Variants in NELL2 observed in about 807,000 individuals in gnomAD.
NELL2 encodes protein kinase C-binding protein NELL2.
In NELL2, 41 loss-of-function variants were observed where a neutral mutation model predicts 109.6. The observed-to-expected ratio is 0.37, with a 90% confidence interval of 0.29 to 0.49. NELL2 has a LOEUF of 0.49. Among genes scored for constraint, NELL2 ranks in the 20% least tolerant of loss-of-function variants. The pLI is 0.98. For missense variants in NELL2, 900 were observed against 1,008.3 expected, an observed-to-expected ratio of 0.89 and a Z score of 1.45; for synonymous variants, 355 against 344.7, an observed-to-expected ratio of 1.03 and a Z score of -0.33.
intron 2 of NELL2, among the ~76,000 whole-genome samples, chr12:44,850,780 C>T (rs978028611): frequency 2.0e-5 from 3 of 152,058 alleles, no homozygotes; most frequent in African/African-American, 4.8e-5. Flanking sequence ...CCATTAAAGC[C>T]CTTGCAATAC....
intron 13 of NELL2, among the ~76,000 whole-genome samples, chr12:44,625,022 A>ATATG (rs1170661052): frequency 7.1e-6 from 1 of 140,214 alleles, no homozygotes; most frequent in Non-Finnish European, 1.5e-5. Flanking sequence ...ATATATATAT[A>ATATG]TATATATATA....
intron 9 of NELL2, among the ~76,000 whole-genome samples, chr12:44,769,839 T>TACTTA (rs1236593100): frequency 2.6e-5 from 4 of 152,166 alleles, no homozygotes; most frequent in Non-Finnish European, 5.9e-5. Flanking sequence ...TGCAGCTACA[T>TACTTA]TTTTGACCCG....
chr12:44,816,033 G>C lies in NELL2; in HGVS notation c.288C>G (p.Thr96=). ...AGAGAATAACTCCTGAATTTAAGTG[G>C]GTCTGTTTTAGGGTCACCAAAATAG... The part of the protein sequence containing the change: ...EFTILVTLKQ[T]HLNSGVILSI... Residue 96 remains threonine (T), a synonymous_variant, in exon 3 of 20, where the codon ACC becomes ACG. Coordinates refer to ENST00000429094, the MANE Select transcript of NELL2 (RefSeq NM_001145108.2). 6.2e-7 allele frequency: 1 copy of C among 1,612,498 alleles called. No individual in the cohort carries two copies. Among genetic ancestry groups the C allele is most frequent in the Non-Finnish European group, 8.5e-7 (1 of 1,179,534 alleles).
intron 12 of NELL2, among the ~76,000 whole-genome samples, chr12:44,678,428 G>A (rs1481194977): frequency 2.0e-5 from 3 of 151,898 alleles, no homozygotes; most frequent in Non-Finnish European, 4.4e-5. Context: ...TAGCATGGTC[G>A]CCATGGCATT....
At position 44,874,984 on chromosome 12, in the gene NELL2, T is replaced by C. The variant is rs1945271001; in HGVS notation, c.184+241A>G. On this transcript the variant is annotated intron_variant, in intron 2 of 19. Coordinates refer to ENST00000429094, the MANE Select transcript of NELL2 (RefSeq NM_001145108.2). ...ATCTGCCATAGGAGTTTCTGCTCAG[T>C]AATTAAGGGACTATCCATTAGAACT... The C allele has an allele frequency of 1.2e-5, 5 of 427,268 alleles. No homozygotes were observed. The South Asian group carries it at 2.0e-4, about 17-fold the overall frequency. 26.5% of individuals were successfully genotyped at this position (427,268 alleles called of 1,614,324 possible).
chr12:44,607,984 T>C (rs573963227), intron 14 of NELL2, among the ~76,000 whole-genome samples: 2 of 152,172 alleles, frequency 1.3e-5, no homozygotes, highest in Non-Finnish European at 2.9e-5. Context: ...TCTCTTGAAA[T>C]GTGCTGTCTT....
At chr12:44,686,045 A>G (rs1405394942) in intron 12 of NELL2, among the ~76,000 whole-genome samples, 1 of 152,168 alleles carries the variant, frequency 6.6e-6, no homozygotes, top group African/African-American at 2.4e-5. Context: ...CATTACTTTC[A>G]GGTACACCAA....
At chr12:44,874,614 GATTAACATTTA>G (rs1440925317) in intron 2 of NELL2, among the ~76,000 whole-genome samples, 1 of 152,154 alleles carries the variant, frequency 6.6e-6, no homozygotes, top group Non-Finnish European at 1.5e-5. Flanking sequence ...TACACTTCTA[GATTAACATTTA>G]CTTGAAATCT....
rs1431272444 is a variant in NELL2, at chr12:44,779,956, G to C, written c.402C>G (p.His134Gln). 2 of 1,613,798 alleles carry C rather than the reference G, an allele frequency of 1.2e-6. No homozygotes were observed. The highest frequency in any genetic ancestry group is 1.3e-5 in the African/African-American group (1 of 74,902). The change falls in exon 4 of 20, where the codon CAC becomes CAG. Residue 134 changes from histidine (H) to glutamine (Q), a missense_variant. Coordinates refer to ENST00000429094, the MANE Select transcript of NELL2 (RefSeq NM_001145108.2). ...AAGGAAACACTTCTGTGTGAGGGCG[G>C]TGACTGCCTGAGCGGTAATGCAGTC... ...EVRLHYRSGS[H>Q]RPHTEVFPYI...
At chr12:44,672,346 C>T (rs1592308083) in intron 12 of NELL2, among the ~76,000 whole-genome samples, 10 of 152,100 alleles carry the variant, frequency 6.6e-5, no homozygotes, top group Admixed American at 6.5e-4. Context: ...AGTGCAACCC[C>T]TATTGTGAAC....
chr12:44,876,644 G>A, upstream of NELL2: 1 of 1,551,372 alleles, frequency 6.4e-7, no homozygotes, highest in Non-Finnish European at 8.7e-7. Flanking sequence ...AGACAGGAGA[G>A]AAAAAAGACC....
At chr12:44,593,003 T>C (rs1402371758) in intron 15 of NELL2, among the ~76,000 whole-genome samples, 1 of 152,196 alleles carries the variant, frequency 6.6e-6, no homozygotes, top group African/African-American at 2.4e-5. Flanking sequence ...AAACTGTTTG[T>C]ATGGGTGTTG....
chr12:44,860,785 C>A (rs1195566643), intron 2 of NELL2, among the ~76,000 whole-genome samples: 4 of 152,198 alleles, frequency 2.6e-5, no homozygotes, highest in Non-Finnish European at 5.9e-5. Flanking sequence ...ACAATATATT[C>A]ACTGATTCTG....
chr12:44,585,104 C>T (rs1742642464), intron 15 of NELL2, among the ~76,000 whole-genome samples: 1 of 152,112 alleles, frequency 6.6e-6, no homozygotes, highest in Admixed American at 6.5e-5. Context: ...TTCTCATAGA[C>T]AGTTTGTGGG....
chr12:44,677,114 G>A (rs964030454), intron 12 of NELL2, among the ~76,000 whole-genome samples: 6 of 152,102 alleles, frequency 3.9e-5, no homozygotes, highest in Admixed American at 6.6e-5. Context: ...AGCCAGGTGA[G>A]ATGCAATAAA....
At chr12:44,584,227 A>G (rs1944420385) in intron 15 of NELL2, among the ~76,000 whole-genome samples, 2 of 152,230 alleles carry the variant, frequency 1.3e-5, no homozygotes, top group Admixed American at 1.3e-4. Context: ...CCCTCCTAAG[A>G]TGCAGAAAGA....
chr12:44,587,008 C>T (rs1944531980), intron 15 of NELL2, among the ~76,000 whole-genome samples: 1 of 151,970 alleles, frequency 6.6e-6, no homozygotes, highest in African/African-American at 2.4e-5. Flanking sequence ...AGCAGTGGCT[C>T]ACGCCTGTAA....
chr12:44,594,317 T>C (rs1426226077), intron 15 of NELL2, among the ~76,000 whole-genome samples: 1 of 151,800 alleles, frequency 6.6e-6, no homozygotes, highest in Non-Finnish European at 1.5e-5. Flanking sequence ...TATATATATG[T>C]ACACAAGAAA....
chr12:44,738,518 G>A (rs902546335), intron 9 of NELL2, among the ~76,000 whole-genome samples: 2 of 151,504 alleles, frequency 1.3e-5, no homozygotes, highest in African/African-American at 4.9e-5. Context: ...CAAGATGGAT[G>A]AACCTGGAGG....
Sources: gnomAD v4.1 joint callset for allele counts (sites outside exome capture counted in the v4.1 genomes callset) on GRCh38, gnomAD v4.1.1 for gene constraint, MANE v1.5 for transcripts, NCBI Gene and HGNC (gene_info 2026-07-23, HGNC 2026-07-21) for gene names.